The following NRAP variants were observed in gnomAD, a reference collection of about 807,000 sequenced individuals.
NRAP encodes the protein nebulin-related-anchoring protein.
NRAP carries 189 observed loss-of-function variants against 225.9 expected under a neutral mutation model. The ratio of observed to expected loss-of-function variants is 0.84; its 90% confidence interval spans 0.74 to 0.94. The LOEUF (loss-of-function observed/expected upper bound fraction) is 0.94. Among genes scored for constraint, NRAP ranks in the 40% least tolerant of loss-of-function variants. The pLI is 0.00. For missense variants in NRAP, 2,176 were observed against 2,168.7 expected (o/e 1.00, Z -0.07); for synonymous variants, 769 against 790.7 (o/e 0.97, Z 0.46).
intron 11 of NRAP, among the ~76,000 whole-genome samples, 153 bp from the exon 12 acceptor site, chr10:113,643,191 T>C (rs1849307985): frequency 6.6e-6 from 1 of 152,244 alleles, no homozygotes; most frequent in South Asian, 2.1e-4. Context: ...AGGACATATT[T>C]TCCTTTATAA....
chr10:113,617,650 T>C, intron 25 of NRAP, 97 bp from the exon 26 acceptor site: 1 of 766,048 alleles, frequency 1.3e-6, no homozygotes, highest in East Asian at 2.5e-5. Context: ...TAGAGTGAAT[T>C]TGTGAACACA....
intron 37 of NRAP, 115 bp from the exon 38 acceptor site, chr10:113,595,842 A>G (rs1467599879): frequency 1.1e-5 from 7 of 661,892 alleles, no homozygotes; most frequent in Non-Finnish European, 1.9e-5. Flanking sequence ...CGCATAGAAC[A>G]GAACCCAGTC....
intron 31 of NRAP, among the ~76,000 whole-genome samples, chr10:113,610,148 G>C (rs986828784): frequency 6.6e-6 from 1 of 151,998 alleles, no homozygotes. Flanking sequence ...TCAGGAGTTC[G>C]AGACCAGCCT....
At chr10:113,610,206 C>T (rs1174024022) in intron 31 of NRAP, among the ~76,000 whole-genome samples, 1 of 151,814 alleles carries the variant, frequency 6.6e-6, no homozygotes, top group South Asian at 2.1e-4. Flanking sequence ...AAAAATTAGC[C>T]AGGCATGGTG....
At chr10:113,629,353 A>C (rs1205875219) in intron 19 of NRAP, among the ~76,000 whole-genome samples, 1 of 152,162 alleles carries the variant, frequency 6.6e-6, no homozygotes, top group Non-Finnish European at 1.5e-5. Context: ...TCCTTGGCTC[A>C]TCCCCATCAC....
chr10:113,631,857 A>C lies in NRAP; in HGVS notation c.1740T>G (p.Asn580Lys). 1 of 1,595,224 alleles carries C rather than the reference A, an allele frequency of 6.3e-7. No individual in the cohort carries two copies. The highest frequency in any genetic ancestry group is 2.2e-5 in the East Asian group (1 of 44,810). ...AAKASGELAS[N>K]IKYKEEYEKT... ...CCTGAGTTAATGAGAGGAAACGTAC[A>C]TTGCTAGCAAGCTCCCCAGAGGCTT... is the stretch of plus-strand genomic sequence containing the variant. The change falls in exon 17 of 42, where the codon AAT becomes AAG. Residue 580 changes from asparagine to lysine, a missense_variant and splice_region_variant. By Grantham distance (94) the Asn-to-Lys change is moderately conservative. Transcript: ENST00000359988.
chr10:113,631,714 TC>T, intron 17 of NRAP, 104 bp from the exon 18 acceptor site: 3 of 895,556 alleles, frequency 3.3e-6, no homozygotes, highest in South Asian at 3.0e-5. Context: ...AAAAAACACC[TC>T]CCAGTCTTTC....
Position 113,617,528 on chromosome 10 carries a change from G to A in NRAP, c.2900C>T (p.Ala967Val). 2 of 1,611,484 alleles carry A rather than the reference G, an allele frequency of 1.2e-6. No homozygotes were observed. The highest frequency in any genetic ancestry group is 8.5e-7 in the Non-Finnish European group (1 of 1,177,698). The change falls in exon 26 of 42, where the codon GCT (alanine) becomes GTT (valine). Residue 967 changes from alanine (A) to valine (V), a missense_variant. Physicochemically the swap from Ala to Val is moderately conservative, Grantham distance 64 (BLOSUM62 0). Around this residue, in one of 3 missense-constraint regions of NRAP, gnomAD observed 1,708 missense variants for 1,695.5 expected, o/e 1.01. Transcript: ENST00000359988. ...GTCTTTAATACTGGTAAACTTCAAA[G>A]CATCTGGATGCTGACGGTACTTCTT... ...SEKKYRQHPDALKFTSIKDTP... is the reference protein window; with the variant it reads ...SEKKYRQHPDVLKFTSIKDTP...
At chr10:113,652,173 T>C (rs2419817) in intron 6 of NRAP, among the ~76,000 whole-genome samples, 1 of 33,324 alleles carries the variant, frequency 3.0e-5, no homozygotes, top group Admixed American at 4.9e-4. Context: ...GACTAATGTT[T>C]TCCTCACTTT....
At chr10:113,660,579 T>G (rs955157595) in intron 3 of NRAP, among the ~76,000 whole-genome samples, 2 of 152,130 alleles carry the variant, frequency 1.3e-5, no homozygotes, top group African/African-American at 4.8e-5. Context: ...AGGAAAATAG[T>G]GTGTGACCTG....
intron 10 of NRAP, 86 bp downstream of exon 10, chr10:113,646,837 A>G: frequency 1.1e-6 from 1 of 893,530 alleles, no homozygotes; most frequent in Middle Eastern, 2.2e-4. Context: ...TAATAAATGT[A>G]TCTGTGTGTA....
intron 15 of NRAP, 138 bp downstream of exon 15, chr10:113,633,974 G>A (rs1848714401): frequency 4.5e-6 from 3 of 668,320 alleles, no homozygotes; most frequent in Non-Finnish European, 5.4e-6. Flanking sequence ...TTTAAAAGAA[G>A]TGGGGGTCAT....
rs1592834413 is a variant in NRAP at position 113,640,334 on chromosome 10, A to C, written c.1324-3T>G. 3 of 1,517,916 alleles carry C rather than the reference A, an allele frequency of 2.0e-6. No homozygotes were observed. In the South Asian group the frequency reaches 3.6e-5, roughly 18 times the overall value. The allele number at this position is 1,517,916 out of a possible 1,614,324, so 94.0% of individuals were successfully genotyped here. ...TTATAATCAGCTTTGTAGGCAACCT[A>C]AAACAGGAAGAAAAGAAGAAGAATG... On this transcript the variant is annotated splice_region_variant and splice_polypyrimidine_tract_variant and intron_variant, in intron 13 of 41. Transcript: ENST00000359988.
Position 113,592,267 on chromosome 10 carries a change from G to C in NRAP, c.4571C>G (p.Ala1524Gly), listed in dbSNP as rs771461416. 4.4e-5 allele frequency: 71 copies of C among 1,612,710 alleles called. No homozygotes were observed. The South Asian group carries it at 7.7e-4, about 18-fold the overall frequency. ...ATCCAGCCTGAAGTCATAACTGCCA[G>C]CCCGGGTCTGCTCCCAGGAGTTTCT... ...VYRNSWEQTR[A>G]GSYDFRLDAI... The change falls in exon 39 of 42, where the codon GCT becomes GGT. Residue 1524 changes from alanine to glycine, a missense_variant. Coordinates refer to ENST00000359988, the MANE Select transcript of NRAP (RefSeq NM_198060.4).
chr10:113,641,602 T>C (rs951174055), intron 12 of NRAP, 130 bp from the exon 13 acceptor site: 1 of 603,540 alleles, frequency 1.7e-6, no homozygotes, highest in Non-Finnish European at 2.9e-6. Flanking sequence ...AGTCAACGTA[T>C]CACAGAATAA....
At chr10:113,617,997 T>A (rs1426038664) in intron 25 of NRAP, among the ~76,000 whole-genome samples, 1 of 152,076 alleles carries the variant, frequency 6.6e-6, no homozygotes, top group Admixed American at 6.5e-5. Flanking sequence ...GTCAAAACCC[T>A]CACATTCAGC....
chr10:113,592,441 G>C, intron 38 of NRAP, 140 bp from the exon 39 acceptor site: 2 of 515,518 alleles, frequency 3.9e-6, no homozygotes, highest in South Asian at 6.5e-5. Flanking sequence ...CCACCTTGGC[G>C]ACTCCCTAGC....
In NRAP at chr10:113,612,362, C is replaced by T. The variant is rs756397646; in HGVS notation, c.3370G>A (p.Val1124Met). ...AGGGTCTGAGCCTTCTTGGCATGCA[C>T]CAGGGCGGCCATGTCCAACGGCAGA... Reference protein sequence around the residue: ...FHLPLDMAALVHAKKAQTLAS... With the variant: ...FHLPLDMAALMHAKKAQTLAS... Residue 1124 changes from valine to methionine, a missense_variant, in exon 30 of 42, where the codon GTG becomes ATG. Transcript: ENST00000359988. 5 of 1,614,042 alleles carry T rather than the reference C, an allele frequency of 3.1e-6. No homozygotes were observed. Among genetic ancestry groups the T allele is most frequent in the Non-Finnish European group, 4.2e-6 (5 of 1,180,030 alleles).
At position 113,657,518 on chromosome 10, in the gene NRAP, T is replaced by A; in HGVS notation, c.312A>T (p.Lys104Asn). 2 of 1,609,718 alleles carry A rather than the reference T, an allele frequency of 1.2e-6. No individual in the cohort carries two copies. The highest frequency in any genetic ancestry group is 1.7e-6 in the Non-Finnish European group (2 of 1,175,984). Residue 104 changes from lysine to asparagine, a missense_variant, in exon 4 of 42, where the codon AAA (lysine) becomes AAT (asparagine). This residue lies in a region of NRAP where 1,708 missense variants were observed against 1,695.5 expected (regional missense o/e 1.01). Coordinates refer to ENST00000359988, the MANE Select transcript of NRAP (RefSeq NM_198060.4). The part of the protein sequence containing the change: ...QCKSVFHWDM[K>N]SKDKEGAPNR... ...TAGGTGCACCTTCCTTATCCTTGGA[T>A]TTCATGTCCCAGTGAAAAACTGATT...
Sources: gnomAD v4.1 joint callset for allele counts (sites outside exome capture counted in the v4.1 genomes callset) on GRCh38, gnomAD v4.1.1 for gene constraint, gnomAD v4.1.1 regional missense constraint, MANE v1.5 for transcripts, NCBI Gene and HGNC (gene_info 2026-07-23, HGNC 2026-07-21) for gene names.